The following HELLS variants were observed in gnomAD, a reference collection of about 807,000 sequenced individuals.
HELLS encodes helicase, lymphoid specific.
Under a neutral mutation model 120.0 loss-of-function variants are expected in HELLS, and 32 were observed. That is an observed-to-expected ratio of 0.27 (90% confidence interval 0.20 to 0.36). The LOEUF is 0.36. Ranked by LOEUF, HELLS falls within the 10% of genes least tolerant of loss-of-function variation. The probability of loss-of-function intolerance (pLI) is 1.00; values close to 1 mark genes in which losing one functional copy is unlikely to be tolerated. For missense variants in HELLS, 650 were observed against 993.4 expected (o/e 0.65, Z 4.65); for synonymous variants, 341 against 323.4 (o/e 1.05, Z -0.58).
intron 2 of HELLS, among the ~76,000 whole-genome samples, chr10:94,552,107 A>G (rs1843007797): frequency 6.6e-6 from 1 of 152,142 alleles, no homozygotes; most frequent in Non-Finnish European, 1.5e-5. Context: ...GAAACCACCA[A>G]TTACTGGGGA....
Position 94,601,794 on chromosome 10 carries a change from A to G in HELLS, c.*172A>G, listed in dbSNP as rs1846045649. 1 of 448,534 alleles carries G rather than the reference A, an allele frequency of 2.2e-6. No homozygotes were observed. The allele number at this position is 448,534 out of a possible 1,614,324, so 27.8% of individuals were successfully genotyped here. On this transcript the variant is annotated 3_prime_UTR_variant, in exon 22 of 22. Transcript: ENST00000348459. ...AATTTTCTGAGCCTTACCAAGAACA[A>G]AGAAGTATCCATATTAAGTTTAGAT... is the stretch of plus-strand genomic sequence containing the variant.
rs944240189 is a variant in HELLS, at chr10:94,576,604, T to G, written c.889-58T>G. On this transcript the variant is annotated intron_variant, in intron 9 of 21. Transcript: ENST00000348459. ...CTCAGAATGATTTATATTTTCTAAA[T>G]AGTCAATATTTACATTTTGTTCTTA... The G allele has an allele frequency of 1.2e-4, 101 of 869,694 alleles. No homozygotes were observed. In the Admixed American group the frequency reaches 2.8e-3, roughly 24 times the overall value. The allele number at this position is 869,694 out of a possible 1,614,324, so 53.9% of individuals were successfully genotyped here. A position where few individuals can be genotyped will look rare whatever the true frequency, so the allele number is the denominator to read the frequency against.
Position 94,554,212 on chromosome 10 carries a change from ATTT to A in HELLS, c.243_245del (p.Phe81del). On this transcript the variant is annotated inframe_deletion, in exon 3 of 22. Transcript: ENST00000348459. ...TTGAAAAAAGCAATATATACTCCAA[ATTT>A]TTATTGACGAAAATGGAACAGCAAC... The A allele has an allele frequency of 6.4e-7, 1 of 1,574,690 alleles. No homozygotes were observed.
chr10:94,589,215 A>T lies in HELLS; in HGVS notation c.1488+825A>T, dbSNP rs541263342. On this transcript the variant is annotated intron_variant, in intron 13 of 21. Coordinates refer to ENST00000348459, the MANE Select transcript of HELLS (RefSeq NM_018063.5). ...TTAACTCTAATCATGCTTTCTGGAG[A>T]TGAACTTGGAAATGCATTTTTAACA... Among the ~76,000 whole-genome samples, 5 of 152,310 alleles carry T rather than the reference A, an allele frequency of 3.3e-5. No homozygotes were observed. In the South Asian group the frequency reaches 8.3e-4, roughly 25 times the overall value.
In HELLS at chr10:94,592,420, G is replaced by A. The variant is rs770585431; in HGVS notation, c.1877G>A (p.Ser626Asn). 10 of 1,589,026 alleles carry A rather than the reference G, an allele frequency of 6.3e-6. No individual in the cohort carries two copies. The East Asian group carries it at 6.7e-5, about 11-fold the overall frequency. ...GTGCTGCTTTTTTCACAAATGACAA[G>A]CATGTTGGACATTTTGATGGATTAC... ...HKVLLFSQMT[S>N]MLDILMDYCH... Residue 626 changes from serine (S) to asparagine (N), a missense_variant, in exon 17 of 22, where the codon AGC becomes AAC. By Grantham distance (46) the Ser-to-Asn change is conservative. Transcript: ENST00000348459.
At chr10:94,562,289 A>T (rs1005742125) in intron 4 of HELLS, among the ~76,000 whole-genome samples, 11 of 152,120 alleles carry the variant, frequency 7.2e-5, no homozygotes, top group Admixed American at 3.3e-4. Flanking sequence ...TGTAATCCCC[A>T]CTACTCTGGA....
intron 6 of HELLS, chr10:94,570,915 A>T (rs1055434231): frequency 6.6e-6 from 1 of 152,548 alleles, no homozygotes; most frequent in Non-Finnish European, 1.5e-5. Context: ...GCAACTACTC[A>T]ACCCTGTACT....
intron 6 of HELLS, among the ~76,000 whole-genome samples, chr10:94,563,808 C>CTTTTTTTTT (rs10623208): frequency 7.3e-6 from 1 of 136,424 alleles, no homozygotes; most frequent in Admixed American, 7.4e-5. Context: ...GTTTTCTTTT[C>CTTTTTTTTT]TTTTTTTTTT....
intron 19 of HELLS, among the ~76,000 whole-genome samples, chr10:94,595,426 A>G (rs1845693886): frequency 6.6e-6 from 1 of 152,184 alleles, no homozygotes; most frequent in Admixed American, 6.5e-5. Context: ...TGGCTTGCTA[A>G]AAGTTTTAAG....
chr10:94,554,320 A>G (rs1220632322), intron 3 of HELLS, 72 bp downstream of exon 3: 8 of 1,102,894 alleles, frequency 7.3e-6, no homozygotes, highest in Non-Finnish European at 1.0e-5. Flanking sequence ...AGTGTATATT[A>G]TATACAGTAA....
At chr10:94,569,110 G>T (rs1386150342) in intron 6 of HELLS, 1 of 152,096 alleles carries the variant, frequency 6.6e-6, no homozygotes, top group African/African-American at 2.4e-5. Flanking sequence ...AAAGTGCTGG[G>T]ATTAGAGGCA....
chr10:94,563,671 T>G (rs1453394050), intron 6 of HELLS, among the ~76,000 whole-genome samples: 1 of 152,008 alleles, frequency 6.6e-6, no homozygotes, highest in African/African-American at 2.4e-5. Flanking sequence ...TTAAATTTTT[T>G]GTAGCAATGA....
downstream of HELLS, among the ~76,000 whole-genome samples, chr10:94,605,693 A>G (rs1846121091): frequency 7.1e-6 from 1 of 140,600 alleles, no homozygotes; most frequent in South Asian, 2.2e-4. Flanking sequence ...TCACCTAGGC[A>G]TGAATACAGC....
chr10:94,576,612 A>G (rs1362808790), intron 9 of HELLS, 50 bp from the exon 10 acceptor site: 2 of 1,031,714 alleles, frequency 1.9e-6, no homozygotes, highest in East Asian at 5.2e-5. Context: ...AATAGTCAAT[A>G]TTTACATTTT....
At chr10:94,567,875 C>G (rs1431841407) in intron 6 of HELLS, among the ~76,000 whole-genome samples, 1 of 149,504 alleles carries the variant, frequency 6.7e-6, no homozygotes, top group Non-Finnish European at 1.5e-5. Context: ...CGCCACTGCA[C>G]TGCAGCATGG....
chr10:94,576,044 G>A (rs760498010), intron 9 of HELLS, among the ~76,000 whole-genome samples: 4 of 152,028 alleles, frequency 2.6e-5, no homozygotes, highest in Non-Finnish European at 5.9e-5. Flanking sequence ...TGGTCTGCCC[G>A]CCTCAGCTTC....
intron 2 of HELLS, among the ~76,000 whole-genome samples, chr10:94,549,348 C>A (rs1351019879): frequency 3.3e-5 from 5 of 152,156 alleles, no homozygotes; most frequent in African/African-American, 1.2e-4. Context: ...TAATGAGAAG[C>A]ATTTGGCTTT....
intron 12 of HELLS, among the ~76,000 whole-genome samples, chr10:94,583,705 G>A (rs921518145): frequency 7.4e-5 from 11 of 148,558 alleles, no homozygotes; most frequent in Non-Finnish European, 1.3e-4. Flanking sequence ...TTCTGTCTTT[G>A]TGTAAACACG....
At chr10:94,578,618 C>A (rs888066258) in intron 10 of HELLS, among the ~76,000 whole-genome samples, 6 of 152,016 alleles carry the variant, frequency 3.9e-5, no homozygotes, top group African/African-American at 1.2e-4. Context: ...TGCTTGAACC[C>A]GGGAGGCGGA....
Sources: gnomAD v4.1 joint callset for allele counts (sites outside exome capture counted in the v4.1 genomes callset) on GRCh38, gnomAD v4.1.1 for gene constraint, MANE v1.5 for transcripts, NCBI Gene and HGNC (gene_info 2026-07-23, HGNC 2026-07-21) for gene names.